The following NPNT variants were observed in gnomAD, a reference collection of about 807,000 sequenced individuals.
NPNT encodes the protein preosteoblast EGF-like repeat protein with MAM domain.
In NPNT, 45 loss-of-function variants were observed where a neutral mutation model predicts 68.6. The observed-to-expected ratio is 0.66, with a 90% CI of 0.52 to 0.84. NPNT has a LOEUF of 0.84. Ranked by LOEUF, NPNT falls within the 40% of genes least tolerant of loss-of-function variation. The pLI is 0.00. For missense variants in NPNT, 672 were observed against 714.8 expected, an observed-to-expected ratio of 0.94 and a Z score of 0.68; for synonymous variants, 233 against 253.3, an observed-to-expected ratio of 0.92 and a Z score of 0.76.
intron 2 of NPNT, among the ~76,000 whole-genome samples, chr4:105,915,125 C>T (rs1727696598): frequency 6.6e-6 from 1 of 152,086 alleles, no homozygotes; most frequent in Non-Finnish European, 1.5e-5. Context: ...GTTCAAAAAT[C>T]GGTAGGTCTG....
chr4:105,967,555 G>A, intron 11 of NPNT, 111 bp downstream of exon 11: 1 of 1,187,568 alleles, frequency 8.4e-7, no homozygotes, highest in Non-Finnish European at 1.1e-6. Flanking sequence ...TCAGATAAAG[G>A]TTTGGGTTTT....
At chr4:105,966,597 G>T (rs1193382181) in intron 10 of NPNT, among the ~76,000 whole-genome samples, 1 of 151,984 alleles carries the variant, frequency 6.6e-6, no homozygotes, top group African/African-American at 2.4e-5. Context: ...TATCTTCCTG[G>T]TGTTAGATTT....
chr4:105,903,148 T>C (rs1364120922), intron 2 of NPNT, among the ~76,000 whole-genome samples: 1 of 152,176 alleles, frequency 6.6e-6, no homozygotes, highest in African/African-American at 2.4e-5. Context: ...AACAACACTG[T>C]GTTTGCTTTG....
intron 2 of NPNT, among the ~76,000 whole-genome samples, chr4:105,907,181 A>G (rs1726969484): frequency 6.6e-6 from 1 of 152,140 alleles, no homozygotes; most frequent in South Asian, 2.1e-4. Flanking sequence ...AACATCCCGT[A>G]CCCAAACCTA....
At chr4:105,916,767 A>T (rs1477988136) in intron 2 of NPNT, among the ~76,000 whole-genome samples, 1 of 152,120 alleles carries the variant, frequency 6.6e-6, no homozygotes, top group Admixed American at 6.6e-5. Context: ...ATGAAGGTGG[A>T]GGCAGTGTCT....
intron 8 of NPNT, among the ~76,000 whole-genome samples, chr4:105,951,706 A>T (rs924804256): frequency 3.3e-5 from 5 of 152,194 alleles, no homozygotes; most frequent in African/African-American, 1.2e-4. Context: ...GTGAATTCTG[A>T]AAGTTTTCAA....
At chr4:105,897,101 C>T (rs1725920876) in intron 1 of NPNT, among the ~76,000 whole-genome samples, 1 of 151,920 alleles carries the variant, frequency 6.6e-6, no homozygotes. Flanking sequence ...ATGTTGATAC[C>T]CAGAGGAAAA....
chr4:105,954,607 C>T (rs1731074185), intron 8 of NPNT, among the ~76,000 whole-genome samples: 1 of 152,112 alleles, frequency 6.6e-6, no homozygotes, highest in Non-Finnish European at 1.5e-5. Flanking sequence ...GCACACTCTG[C>T]CTCTATCTCC....
At chr4:105,962,186 T>C (rs1264650735) in intron 10 of NPNT, among the ~76,000 whole-genome samples, 1 of 152,220 alleles carries the variant, frequency 6.6e-6, no homozygotes, top group Non-Finnish European at 1.5e-5. Context: ...CCACTTTGGT[T>C]AAGTGGTGAA....
intron 3 of NPNT, among the ~76,000 whole-genome samples, chr4:105,930,793 C>T (rs1043841694): frequency 6.6e-6 from 1 of 152,146 alleles, no homozygotes; most frequent in Non-Finnish European, 1.5e-5. Context: ...TAAACAAGTG[C>T]TTAACCAGTG....
intron 11 of NPNT, 114 bp from the exon 12 acceptor site, chr4:105,968,781 T>G (rs1732367046): frequency 4.9e-6 from 3 of 616,250 alleles, no homozygotes; most frequent in Non-Finnish European, 8.7e-6. Flanking sequence ...TTTTTCCTCC[T>G]GCAAAATAAG....
intron 2 of NPNT, 190 bp downstream of exon 2, chr4:105,898,191 G>A (rs1025115794): frequency 4.8e-6 from 2 of 414,352 alleles, no homozygotes; most frequent in South Asian, 9.0e-5. Flanking sequence ...CCTGTATTAC[G>A]GCCCAGCTTT....
chr4:105,896,845 G>A (rs1016048782), intron 1 of NPNT, among the ~76,000 whole-genome samples: 2 of 152,200 alleles, frequency 1.3e-5, no homozygotes, highest in African/African-American at 4.8e-5. Context: ...GGGCCTGGGG[G>A]TAGAAAGGCA....
At chr4:105,930,215 G>C (rs749557621) in intron 3 of NPNT, among the ~76,000 whole-genome samples, 6 of 152,164 alleles carry the variant, frequency 3.9e-5, no homozygotes, top group Non-Finnish European at 7.4e-5. Context: ...TTGTCTCTCT[G>C]ATTTCTAAGT....
At chr4:105,901,874 G>A (rs1726450401) in intron 2 of NPNT, among the ~76,000 whole-genome samples, 1 of 152,146 alleles carries the variant, frequency 6.6e-6, no homozygotes, top group African/African-American at 2.4e-5. Flanking sequence ...TTTTGGAGTG[G>A]TCAAATAATT....
At chr4:105,928,817 G>A (rs1728892727) in intron 3 of NPNT, among the ~76,000 whole-genome samples, 1 of 151,758 alleles carries the variant, frequency 6.6e-6, no homozygotes, top group African/African-American at 2.4e-5. Context: ...ATACTTACTT[G>A]ACCTCATCTG....
intron 2 of NPNT, chr4:105,912,131 C>T (rs1727417776): frequency 8.1e-7 from 1 of 1,240,230 alleles, no homozygotes; most frequent in Admixed American, 2.0e-5. Context: ...TACCCAAGTC[C>T]AGCCTCCTTA....
rs147786422 is a variant in NPNT at position 105,968,985 on chromosome 4, C to A, written c.1693C>A (p.Arg565Ser). ...SLKKGHCSEE[R>S] Reference sequence around the variant, plus strand: ...GAAAAAAGGCCACTGCTCTGAAGAACGCTAACAACTCCAGAACTAACAATG... The same window carrying A: ...GAAAAAAGGCCACTGCTCTGAAGAAAGCTAACAACTCCAGAACTAACAATG... The change falls in exon 12 of 12, where the codon CGC (arginine) becomes AGC (serine). Residue 565 changes from arginine to serine, a missense_variant. Physicochemically the swap from Arg to Ser is moderately radical, Grantham distance 110 (BLOSUM62 -1). Coordinates refer to ENST00000379987, the MANE Select transcript of NPNT (RefSeq NM_001033047.3). 3.3e-6 allele frequency: 5 copies of A among 1,493,410 alleles called. No homozygotes were observed. The highest frequency in any genetic ancestry group is 4.6e-6 in the Non-Finnish European group (5 of 1,092,312). The allele number at this position is 1,493,410 out of a possible 1,614,324, so 92.5% of individuals were successfully genotyped here. A position where few individuals can be genotyped will look rare whatever the true frequency, so the allele number is the denominator to read the frequency against.
intron 10 of NPNT, 69 bp downstream of exon 10, chr4:105,959,195 T>A (rs1731485950): frequency 6.3e-6 from 6 of 949,126 alleles, no homozygotes; most frequent in Non-Finnish European, 1.0e-5. Context: ...ACTCCACTGC[T>A]GCTAATCAAG....
Sources: allele counts gnomAD v4.1 joint callset (sites outside exome capture counted in the v4.1 genomes callset), GRCh38; gene constraint gnomAD v4.1.1; transcripts MANE v1.5; gene names NCBI Gene and HGNC (gene_info 2026-07-23, HGNC 2026-07-21).